Variants in NRXN1 observed in about 807,000 individuals in gnomAD.
The protein encoded by NRXN1 is neurexin 1, also known as neurexin-1.
In NRXN1, 39 loss-of-function variants were observed where a neutral mutation model predicts 150.9. The ratio of observed to expected loss-of-function variants is 0.26; its 90% CI spans 0.20 to 0.34. The LOEUF is 0.34. Among genes scored for constraint, NRXN1 ranks in the 10% least tolerant of loss-of-function variants. The pLI, the probability that NRXN1 is intolerant of heterozygous loss-of-function variation, is 1.00. For synonymous variants in NRXN1, 924 were observed against 757.0 expected (o/e 1.22, Z -3.62); for missense variants, 1,815 against 1,949.9 (o/e 0.93, Z 1.30).
intron 2 of NRXN1, among the ~76,000 whole-genome samples, chr2:50,961,038 T>A (rs1381248793): frequency 6.6e-6 from 1 of 151,906 alleles, no homozygotes; most frequent in East Asian, 1.9e-4. Context: ...TTGGAACAAA[T>A]GAACACGTGA....
chr2:50,799,848 T>C (rs879646515), intron 5 of NRXN1, among the ~76,000 whole-genome samples: 1 of 152,084 alleles, frequency 6.6e-6, no homozygotes, highest in Non-Finnish European at 1.5e-5. Context: ...TTGGATTCAA[T>C]TTCCAACTCT....
intron 18 of NRXN1, among the ~76,000 whole-genome samples, chr2:50,199,773 G>T (rs1042867609): frequency 3.3e-5 from 5 of 152,072 alleles, no homozygotes; most frequent in African/African-American, 1.2e-4. Flanking sequence ...CTAACTGAAT[G>T]ATACAAAATG....
chr2:50,134,078 A>C (rs925226717), intron 18 of NRXN1, among the ~76,000 whole-genome samples: 3 of 152,100 alleles, frequency 2.0e-5, no homozygotes, highest in African/African-American at 7.2e-5. Context: ...TGGGAAGATG[A>C]GCCCCTGGAT....
chr2:50,885,298 T>C (rs1008082200), intron 5 of NRXN1, among the ~76,000 whole-genome samples: 3 of 151,378 alleles, frequency 2.0e-5, no homozygotes, highest in Non-Finnish European at 4.4e-5. Context: ...AAGCTATATC[T>C]TAGAAACATG....
intron 5 of NRXN1, among the ~76,000 whole-genome samples, chr2:50,782,716 G>C (rs1704522337): frequency 6.6e-6 from 1 of 152,170 alleles, no homozygotes; most frequent in African/African-American, 2.4e-5. Flanking sequence ...GCAGAGGGCT[G>C]CATGGCATTC....
intron 17 of NRXN1, among the ~76,000 whole-genome samples, chr2:50,375,060 A>C (rs2080381821): frequency 6.6e-6 from 1 of 152,094 alleles, no homozygotes; most frequent in African/African-American, 2.4e-5. Flanking sequence ...TGGGCATAAA[A>C]ATTTGTTTAT....
intron 5 of NRXN1, among the ~76,000 whole-genome samples, chr2:50,655,266 A>G (rs1686261180): frequency 6.6e-6 from 1 of 151,190 alleles, no homozygotes; most frequent in Non-Finnish European, 1.5e-5. Flanking sequence ...TAAAAAAAAC[A>G]CCAAACTATT....
At chr2:50,253,705 G>T (rs1242044154) in intron 17 of NRXN1, among the ~76,000 whole-genome samples, 1 of 152,122 alleles carries the variant, frequency 6.6e-6, no homozygotes, top group African/African-American at 2.4e-5. Context: ...TTTATGTGAT[G>T]AATTACATTT....
intron 5 of NRXN1, among the ~76,000 whole-genome samples, chr2:50,781,569 CACG>C (rs1050077536): frequency 6.6e-6 from 1 of 152,186 alleles, no homozygotes; most frequent in Non-Finnish European, 1.5e-5. Flanking sequence ...TGTGAAACCT[CACG>C]ACAACAGTAA....
At chr2:50,380,300 G>GTA (rs1400031387) in intron 17 of NRXN1, among the ~76,000 whole-genome samples, 1 of 151,788 alleles carries the variant, frequency 6.6e-6, no homozygotes, top group African/African-American at 2.4e-5. Flanking sequence ...GTGTGTGCGT[G>GTA]TGTGTGTGTA....
chr2:50,161,868 A>G (rs1489892895), intron 18 of NRXN1, among the ~76,000 whole-genome samples: 1 of 152,238 alleles, frequency 6.6e-6, no homozygotes, highest in East Asian at 1.9e-4. Flanking sequence ...CAGGAAGGAA[A>G]GGAAAGAAGG....
At chr2:50,266,066 T>A (rs1229172531) in intron 17 of NRXN1, among the ~76,000 whole-genome samples, 1 of 149,770 alleles carries the variant, frequency 6.7e-6, no homozygotes, top group East Asian at 1.9e-4. Flanking sequence ...TGGCACGATC[T>A]TGGCTCACTG....
chr2:50,268,985 C>T (rs1000649447), intron 17 of NRXN1, among the ~76,000 whole-genome samples: 3 of 152,044 alleles, frequency 2.0e-5, no homozygotes, highest in Non-Finnish European at 4.4e-5. Flanking sequence ...TATGCAAGCT[C>T]TTGTGGTTTC....
chr2:50,358,630 G>A (rs902153617), intron 17 of NRXN1, among the ~76,000 whole-genome samples: 1 of 152,222 alleles, frequency 6.6e-6, no homozygotes, highest in Admixed American at 6.5e-5. Flanking sequence ...GAACACATGG[G>A]GGAAGGAGCG....
intron 2 of NRXN1, among the ~76,000 whole-genome samples, chr2:50,937,324 A>G (rs527901485): frequency 6.6e-6 from 1 of 152,270 alleles, no homozygotes; most frequent in South Asian, 2.1e-4. Flanking sequence ...CAGTATGTAT[A>G]TGTAGAATTT....
At chr2:50,621,020 GAAA>G in intron 7 of NRXN1, 2 of 522,736 alleles carry the variant, frequency 3.8e-6, no homozygotes, top group South Asian at 7.4e-5. Flanking sequence ...AGGTGAGTTG[GAAA>G]ACAGAAGTTG....
chr2:50,786,110 G>A (rs1705078371), intron 5 of NRXN1, among the ~76,000 whole-genome samples: 1 of 152,020 alleles, frequency 6.6e-6, no homozygotes, highest in Non-Finnish European at 1.5e-5. Context: ...GAAATCTTGG[G>A]ATGAGATGTT....
intron 5 of NRXN1, among the ~76,000 whole-genome samples, chr2:50,743,255 T>C (rs904120365): frequency 6.6e-6 from 1 of 152,222 alleles, no homozygotes; most frequent in Non-Finnish European, 1.5e-5. Flanking sequence ...AAAATCTAAA[T>C]GCCTCGGTTT....
intron 8 of NRXN1, among the ~76,000 whole-genome samples, chr2:50,562,151 G>C (rs990090610): frequency 6.6e-6 from 1 of 152,086 alleles, no homozygotes; most frequent in Non-Finnish European, 1.5e-5. Context: ...GATGTGTCTA[G>C]ATTAATCAAT....
Sources: allele counts gnomAD v4.1 joint callset (sites outside exome capture counted in the v4.1 genomes callset), GRCh38; gene constraint gnomAD v4.1.1; transcripts MANE v1.5; gene names NCBI Gene and HGNC (gene_info 2026-07-23, HGNC 2026-07-21).